The following NWD2 variants were observed in gnomAD, a reference collection of about 807,000 sequenced individuals.
NWD2 encodes the protein NACHT and WD repeat domain-containing protein 2.
Under a neutral mutation model 132.7 loss-of-function variants are expected in NWD2, and 37 were observed. That is an observed-to-expected ratio of 0.28 (90% CI 0.21 to 0.37). The LOEUF (loss-of-function observed/expected upper bound fraction) is 0.37, where lower values mean the gene tolerates loss of function less well. Among genes scored for constraint, NWD2 ranks in the 10% least tolerant of loss-of-function variants. The pLI, the probability that NWD2 is intolerant of heterozygous loss-of-function variation, is 1.00. For missense variants in NWD2, 1,592 were observed against 2,122.4 expected (o/e 0.75, Z 4.91); for synonymous variants, 705 against 803.0 (o/e 0.88, Z 2.06).
intron 1 of NWD2, among the ~76,000 whole-genome samples, chr4:37,280,735 C>T (rs1352129664): frequency 6.6e-6 from 1 of 152,114 alleles, no homozygotes; most frequent in Non-Finnish European, 1.5e-5. Context: ...AGGGATAGTA[C>T]AGCACCCCGG....
At chr4:37,275,448 C>T (rs1394044471) in intron 1 of NWD2, among the ~76,000 whole-genome samples, 1 of 152,142 alleles carries the variant, frequency 6.6e-6, no homozygotes, top group Non-Finnish European at 1.5e-5. Flanking sequence ...AATAGAAGAA[C>T]ACTCCATGCT....
At chr4:37,341,295 G>C (rs192639662) in intron 2 of NWD2, among the ~76,000 whole-genome samples, 1 of 152,310 alleles carries the variant, frequency 6.6e-6, no homozygotes. Flanking sequence ...ATGATGTTCA[G>C]TAGGTTAAGT....
chr4:37,309,111 T>C (rs1718775882), intron 1 of NWD2, among the ~76,000 whole-genome samples: 1 of 152,178 alleles, frequency 6.6e-6, no homozygotes, highest in South Asian at 2.1e-4. Flanking sequence ...TGGGCCCCCA[T>C]CCTGGGGTAG....
chr4:37,405,151 T>A lies in NWD2; in HGVS notation c.358-25421T>A, dbSNP rs77768244. 5.7e-3 allele frequency among the ~76,000 whole-genome samples: 871 copies of A among 152,310 alleles called. 8 individuals carry two copies. Among genetic ancestry groups the A allele is most frequent in the African/African-American group, 0.019 (803 of 41,572 alleles). On this transcript the variant is annotated intron_variant, in intron 3 of 6. Coordinates refer to ENST00000309447, the MANE Select transcript of NWD2 (RefSeq NM_001144990.2). ...AAGATTTTCCTGTAGTTCAAATCAA[T>A]GTCACCCACCTCTGGGAACCCATTT...
intron 2 of NWD2, among the ~76,000 whole-genome samples, chr4:37,348,253 C>T (rs1374513032): frequency 6.6e-6 from 1 of 152,170 alleles, no homozygotes; most frequent in Non-Finnish European, 1.5e-5. Flanking sequence ...TAATATTCAA[C>T]TGTTAACAAG....
chr4:37,435,820 A>C (rs914898202), intron 5 of NWD2, among the ~76,000 whole-genome samples: 2 of 152,158 alleles, frequency 1.3e-5, no homozygotes, highest in African/African-American at 4.8e-5. Context: ...TATCTCCTGA[A>C]GATATACATG....
chr4:37,340,434 C>T (rs187286339), intron 2 of NWD2, among the ~76,000 whole-genome samples: 2 of 152,328 alleles, frequency 1.3e-5, no homozygotes, highest in East Asian at 3.9e-4. Flanking sequence ...AGCCTCTGCT[C>T]TGTACCAGGC....
chr4:37,290,307 A>G (rs1433490144), intron 1 of NWD2, among the ~76,000 whole-genome samples: 1 of 152,200 alleles, frequency 6.6e-6, no homozygotes, highest in Non-Finnish European at 1.5e-5. Context: ...CATTAATTAT[A>G]TTTTAAAAAA....
At chr4:37,423,067 T>C (rs1030257328) in intron 3 of NWD2, among the ~76,000 whole-genome samples, 9 of 152,242 alleles carry the variant, frequency 5.9e-5, no homozygotes, top group East Asian at 1.9e-4. Context: ...ATCTGGATAA[T>C]TGAATGTTTT....
rs183514345 is a variant in NWD2, at chr4:37,425,604, A to G, written c.358-4968A>G. Among the ~76,000 whole-genome samples the G allele has an allele frequency of 5.3e-5, 8 of 152,342 alleles. 1 individual carries two copies. The highest frequency in any genetic ancestry group is 5.2e-4 in the Admixed American group (8 of 15,296). On this transcript the variant is annotated intron_variant, in intron 3 of 6. Coordinates refer to ENST00000309447, the MANE Select transcript of NWD2 (RefSeq NM_001144990.2). ...TCAGTCATATGCATTTCTTCTGTCT[A>G]GGGTCATAGGCAGATGGATCAACAG... is the stretch of plus-strand genomic sequence containing the variant.
chr4:37,289,181 T>A (rs1718308287), intron 1 of NWD2, among the ~76,000 whole-genome samples: 1 of 152,186 alleles, frequency 6.6e-6, no homozygotes. Flanking sequence ...TAGTGTTGGA[T>A]TTTTTAATAA....
chr4:37,421,125 T>C (rs11096875), intron 3 of NWD2, among the ~76,000 whole-genome samples: 29,267 of 152,116 alleles, frequency 0.19, 2,989 homozygotes, highest in South Asian at 0.26. Context: ...ATCTCACTTT[T>C]AATATGTCCA....
chr4:37,305,523 T>A (rs935394285), intron 1 of NWD2, among the ~76,000 whole-genome samples: 3 of 152,254 alleles, frequency 2.0e-5, no homozygotes, highest in Non-Finnish European at 4.4e-5. Flanking sequence ...GTTCTTTCTG[T>A]ACCTAATTTA....
At chr4:37,422,927 A>T (rs1227141317) in intron 3 of NWD2, among the ~76,000 whole-genome samples, 1 of 152,002 alleles carries the variant, frequency 6.6e-6, no homozygotes, top group East Asian at 1.9e-4. Context: ...TATTTCAGAG[A>T]CTCATATTCG....
At chr4:37,336,088 TCTG>T (rs893431034) in intron 2 of NWD2, among the ~76,000 whole-genome samples, 3 of 152,116 alleles carry the variant, frequency 2.0e-5, no homozygotes, top group African/African-American at 7.2e-5. Flanking sequence ...TTATTTTTTT[TCTG>T]CTTATGCTCA....
At chr4:37,384,249 A>G (rs776483861) in intron 3 of NWD2, among the ~76,000 whole-genome samples, 18 of 152,068 alleles carry the variant, frequency 1.2e-4, no homozygotes, top group Non-Finnish European at 2.1e-4. Context: ...TTTAGCTTTT[A>G]ATCAGTTTGC....
intron 4 of NWD2, among the ~76,000 whole-genome samples, chr4:37,431,375 T>G (rs1712174267): frequency 6.6e-6 from 1 of 152,202 alleles, no homozygotes; most frequent in Non-Finnish European, 1.5e-5. Context: ...TACAGCAACA[T>G]GGATGAACCT....
rs767955118 is a variant in NWD2, at chr4:37,446,038, C to T, written c.4050C>T (p.Ile1350=). The T allele has an allele frequency of 1.2e-5, 19 of 1,551,516 alleles. No individual in the cohort carries two copies. The highest frequency in any genetic ancestry group is 9.6e-5 in the African/African-American group (7 of 73,020). The change falls in exon 7 of 7, where the codon ATC becomes ATT. Residue 1350 remains isoleucine, a synonymous_variant. Transcript: ENST00000309447. This position sits in a 1 kb window ranked among gnomAD's most constrained non-coding sequence, Gnocchi z 6.7. The part of the protein sequence containing the change: ...VHKWNFSSGF[I]EAVFKHEGIV... ...AGTGGAACTTCAGCAGTGGCTTCAT[C>T]GAAGCAGTATTCAAGCATGAAGGAA... is the stretch of plus-strand genomic sequence containing the variant.
intron 3 of NWD2, among the ~76,000 whole-genome samples, chr4:37,428,894 G>C (rs941150361): frequency 3.9e-5 from 6 of 152,150 alleles, no homozygotes; most frequent in African/African-American, 1.4e-4. Flanking sequence ...ACCATGCCTG[G>C]CTAGTTTTTG....
Sources: allele counts gnomAD v4.1 joint callset (sites outside exome capture counted in the v4.1 genomes callset), GRCh38; gene constraint gnomAD v4.1.1; non-coding constraint Gnocchi (gnomAD v3.1); transcripts MANE v1.5; gene names NCBI Gene and HGNC (gene_info 2026-07-23, HGNC 2026-07-21).